Variants in ADGRB1 observed in about 807,000 individuals in gnomAD.
ADGRB1 encodes the protein brain-specific angiogenesis inhibitor 1.
ADGRB1 carries 36 observed loss-of-function variants against 175.7 expected under a neutral mutation model. That is an observed-to-expected ratio of 0.20 (90% confidence interval 0.16 to 0.27). The LOEUF is 0.27. Ranked by LOEUF, ADGRB1 falls within the 10% of genes least tolerant of loss-of-function variation. The probability of loss-of-function intolerance (pLI) is 1.00; values close to 1 mark genes in which losing one functional copy is unlikely to be tolerated. For synonymous variants in ADGRB1, 1,054 were observed against 979.4 expected, an observed-to-expected ratio of 1.08 and a Z score of -1.42; for missense variants, 1,731 against 2,255.3, an observed-to-expected ratio of 0.77 and a Z score of 4.71.
chr8:142,451,979 G>T (rs992681604), intron 1 of ADGRB1, among the ~76,000 whole-genome samples: 4 of 152,172 alleles, frequency 2.6e-5, no homozygotes, highest in African/African-American at 9.7e-5. Context: ...GAAGGAGGGG[G>T]CGGGGGTTCC....
intron 2 of ADGRB1, among the ~76,000 whole-genome samples, chr8:142,465,277 C>G (rs2131682755): frequency 6.6e-6 from 1 of 152,314 alleles, no homozygotes; most frequent in East Asian, 1.9e-4. Context: ...GGGCACACGG[C>G]GGGTGCTGGT....
At chr8:142,539,522 C>T (rs1317891686) in intron 27 of ADGRB1, 109 bp downstream of exon 27, 3 of 1,332,670 alleles carry the variant, frequency 2.3e-6, no homozygotes, top group Non-Finnish European at 2.1e-6. Context: ...TCCACTCCTG[C>T]TGCCCCCACC....
intron 2 of ADGRB1, among the ~76,000 whole-genome samples, chr8:142,472,701 T>TGG (rs1840735999): frequency 6.6e-6 from 1 of 152,106 alleles, no homozygotes; most frequent in East Asian, 1.9e-4. Flanking sequence ...GTGACCAAGA[T>TGG]GGGGGATCAG....
chr8:142,504,219 C>T lies in ADGRB1; in HGVS notation c.2676-6713C>T, dbSNP rs550469220. ...AGAGCCTCACAGACTGGCAGCCAGA[C>T]AGGGGCTGGGCATGGAGTGGGAGTC... On this transcript the variant is annotated intron_variant, in intron 17 of 30. Coordinates refer to ENST00000517894, the MANE Select transcript of ADGRB1 (RefSeq NM_001702.3). This position sits in a 1 kb window ranked among gnomAD's most constrained non-coding sequence, Gnocchi z 5.6. Among the ~76,000 whole-genome samples, 3 of 152,280 alleles carry T rather than the reference C, an allele frequency of 2.0e-5. No homozygotes were observed. Among genetic ancestry groups the T allele is most frequent in the South Asian group, 4.1e-4 (2 of 4,830 alleles).
Position 142,526,644 on chromosome 8 carries a change from G to A in ADGRB1, c.3398+17G>A, listed in dbSNP as rs763751780. The A allele has an allele frequency of 6.9e-6, 11 of 1,602,938 alleles. No homozygotes were observed. In the Admixed American group the frequency reaches 8.5e-5, roughly 12 times the overall value. The stretch of plus-strand genomic sequence containing the variant: ...GCGGGCAGGGTAGGACCGGGGCTAC[G>A]CGGCTCCTTGCCCACCCGGAGTGCA... On this transcript the variant is annotated intron_variant, in intron 24 of 30. Coordinates refer to ENST00000517894, the MANE Select transcript of ADGRB1 (RefSeq NM_001702.3).
At chr8:142,501,141 T>A (rs1842506432) in intron 17 of ADGRB1, among the ~76,000 whole-genome samples, 1 of 152,112 alleles carries the variant, frequency 6.6e-6, no homozygotes, top group Non-Finnish European at 1.5e-5. Context: ...ATGATGTGCT[T>A]ATAGTGGAGG....
At chr8:142,456,137 C>G (rs1250542813) in intron 1 of ADGRB1, among the ~76,000 whole-genome samples, 2 of 152,254 alleles carry the variant, frequency 1.3e-5, no homozygotes, top group Admixed American at 1.3e-4. Context: ...TCTGCACCCC[C>G]TCCCTGTTCC....
In ADGRB1 at chr8:142,476,643, C is replaced by T. The variant is rs910224086; in HGVS notation, c.1005C>T (p.Arg335=). ...QSLRSTDARR[R]EELGDELQQF... is the part of the protein sequence containing the mutation. ...TGCGGTCCACAGATGCCCGGCGGCG[C>T]GAGGAGCTGGGGGACGAGCTGCAGC... Residue 335 remains arginine, a synonymous_variant, in exon 4 of 31, where the codon CGC becomes CGT. Coordinates refer to ENST00000517894, the MANE Select transcript of ADGRB1 (RefSeq NM_001702.3). 1.2e-5 allele frequency: 18 copies of T among 1,548,416 alleles called. No individual in the cohort carries two copies. Among genetic ancestry groups the T allele is most frequent in the Non-Finnish European group, 1.3e-5 (15 of 1,146,250 alleles).
chr8:142,508,162 A>G (rs1468281205), intron 17 of ADGRB1, among the ~76,000 whole-genome samples: 3 of 152,136 alleles, frequency 2.0e-5, no homozygotes, highest in Non-Finnish European at 1.5e-5. Context: ...GACCCATCCC[A>G]AGCCAGGAAA....
At chr8:142,519,510 A>G (rs1843637107) in intron 19 of ADGRB1, among the ~76,000 whole-genome samples, 1 of 149,296 alleles carries the variant, frequency 6.7e-6, no homozygotes, top group African/African-American at 2.5e-5. Flanking sequence ...GTTTGTGGTG[A>G]TGATGGTGGT....
intron 1 of ADGRB1, among the ~76,000 whole-genome samples, chr8:142,451,995 G>T (rs991463367): frequency 6.6e-6 from 1 of 152,122 alleles, no homozygotes; most frequent in African/African-American, 2.4e-5. Flanking sequence ...GTTCCTGGGC[G>T]CGCCCCCGTC....
In ADGRB1 at chr8:142,543,256, C is replaced by A; in HGVS notation, c.4414-147C>A. On this transcript the variant is annotated intron_variant, in intron 28 of 30. Coordinates refer to ENST00000517894, the MANE Select transcript of ADGRB1 (RefSeq NM_001702.3). This position sits in a 1 kb window ranked among gnomAD's most constrained non-coding sequence, Gnocchi z 4.4. ...TAGCTGGAGGAGCTGCCTCAGTGCG[C>A]CCCCAGGCATGTCCCCTGGGTCTGG... is the stretch of plus-strand genomic sequence containing the variant. 9.4e-7 allele frequency: 1 copy of A among 1,061,988 alleles called. No individual in the cohort carries two copies. The highest frequency in any genetic ancestry group is 1.4e-6 in the Non-Finnish European group (1 of 722,928). 65.8% of individuals were successfully genotyped at this position (1,061,988 alleles called of 1,614,324 possible). A position where few individuals can be genotyped will look rare whatever the true frequency, so the allele number is the denominator to read the frequency against.
Position 142,464,273 on chromosome 8 carries a change from A to T in ADGRB1, c.75A>T (p.Gly25=), listed in dbSNP as rs1840122578. ...APLLLLLLLL[G]RRARAAAGAD... ...TGCTACTGCTGCTGCTGCTGCTGGG[A>T]CGCCGCGCGCGGGCGGCCGCCGGAG... The change falls in exon 2 of 31, where the codon GGA becomes GGT. Residue 25 remains glycine (G), a synonymous_variant. Coordinates refer to ENST00000517894, the MANE Select transcript of ADGRB1 (RefSeq NM_001702.3). 5 of 1,360,052 alleles carry T rather than the reference A, an allele frequency of 3.7e-6. No homozygotes were observed. The highest frequency in any genetic ancestry group is 2.7e-4 in the Middle Eastern group (1 of 3,710). The allele number at this position is 1,360,052 out of a possible 1,614,324, so 84.2% of individuals were successfully genotyped here. A position where few individuals can be genotyped will look rare whatever the true frequency, so the allele number is the denominator to read the frequency against.
At chr8:142,468,209 C>CGT (rs373888504) in intron 2 of ADGRB1, among the ~76,000 whole-genome samples, 6,804 of 150,132 alleles carry the variant, frequency 0.045, 225 homozygotes, top group Non-Finnish European at 0.071. Context: ...AGTGTGGGTG[C>CGT]GTGTGTGTGT....
At chr8:142,525,815 T>C (rs1844141862) in intron 23 of ADGRB1, among the ~76,000 whole-genome samples, 1 of 152,104 alleles carries the variant, frequency 6.6e-6, no homozygotes, top group African/African-American at 2.4e-5. Context: ...TAGCAGCATC[T>C]TTCTGCAGAG....
Position 142,534,356 on chromosome 8 carries a change from G to A in ADGRB1, c.3570+890G>A, listed in dbSNP as rs374547922. On this transcript the variant is annotated intron_variant, in intron 25 of 30. Coordinates refer to ENST00000517894, the MANE Select transcript of ADGRB1 (RefSeq NM_001702.3). The stretch of plus-strand genomic sequence containing the variant: ...GGGCAGGGCTGCCCTCTTGGCCTCC[G>A]CGGCCTGGGCCTCACTCTCTGGGCA... Among the ~76,000 whole-genome samples, 10 of 152,314 alleles carry A rather than the reference G, an allele frequency of 6.6e-5. No homozygotes were observed. In the South Asian group the frequency reaches 2.1e-3, roughly 32 times the overall value.
intron 18 of ADGRB1, among the ~76,000 whole-genome samples, chr8:142,516,305 TGC>T (rs1407822511): frequency 8.8e-6 from 1 of 113,206 alleles, no homozygotes; most frequent in East Asian, 2.9e-4. Flanking sequence ...CCCAGGTGCA[TGC>T]GTGTGTGCGG....
chr8:142,517,387 T>C (rs1362884312), intron 18 of ADGRB1, among the ~76,000 whole-genome samples: 1 of 152,338 alleles, frequency 6.6e-6, no homozygotes, highest in East Asian at 1.9e-4. Context: ...CACACTCTCC[T>C]GCCTCTGAGC....
intron 1 of ADGRB1, among the ~76,000 whole-genome samples, chr8:142,456,397 A>G (rs1839685374): frequency 6.6e-6 from 1 of 151,900 alleles, no homozygotes; most frequent in Admixed American, 6.6e-5. Context: ...GTAATAACTC[A>G]CAAAAGGAGC....
Sources: allele counts gnomAD v4.1 joint callset (sites outside exome capture counted in the v4.1 genomes callset), GRCh38; gene constraint gnomAD v4.1.1; non-coding constraint Gnocchi (gnomAD v3.1); transcripts MANE v1.5; gene names NCBI Gene and HGNC (gene_info 2026-07-23, HGNC 2026-07-21).